SLC71A2: variants seen among roughly 807,000 people sequenced by gnomAD.
SLC71A2 encodes the protein hippocampus abundant transcript-like 1.
chr9:94,445,201 A>T, the SLC71A2 span: 7 of 1,554,700 alleles, frequency 4.5e-6, no homozygotes, highest in Non-Finnish European at 6.1e-6. Flanking sequence ...AAATATGGAA[A>T]TATTTACTTT....
the SLC71A2 span, among the ~76,000 whole-genome samples, chr9:94,445,784 T>C: frequency 7.9e-5 from 12 of 152,276 alleles, no homozygotes; most frequent in Admixed American, 7.2e-4. Flanking sequence ...AAAAAGTTTG[T>C]AGACAAAAAA....
the SLC71A2 span, among the ~76,000 whole-genome samples, chr9:94,399,599 G>C: frequency 6.6e-6 from 1 of 152,146 alleles, no homozygotes; most frequent in Non-Finnish European, 1.5e-5. Context: ...GAGAAACCTG[G>C]CTTCCACCAT....
chr9:94,445,045 G>A, the SLC71A2 span: 9 of 1,614,038 alleles, frequency 5.6e-6, no homozygotes, highest in Non-Finnish European at 6.8e-6. Flanking sequence ...AGACAGCCTC[G>A]TTGTGCTGGT....
chr9:94,417,841 A>C, the SLC71A2 span, among the ~76,000 whole-genome samples: 1 of 131,822 alleles, frequency 7.6e-6, no homozygotes, highest in African/African-American at 2.8e-5. Flanking sequence ...CTCTCCTTAT[A>C]GGCAAGTTCC....
the SLC71A2 span, among the ~76,000 whole-genome samples, chr9:94,379,820 T>C: frequency 6.6e-6 from 1 of 152,264 alleles, no homozygotes; most frequent in Admixed American, 6.5e-5. Context: ...TTAAATGAAC[T>C]AGAATATCCA....
chr9:94,414,080 AAC>A, the SLC71A2 span, among the ~76,000 whole-genome samples: 1 of 152,180 alleles, frequency 6.6e-6, no homozygotes, highest in Non-Finnish European at 1.5e-5. Context: ...GACATGGAGA[AAC>A]AGATTGAACC....
At chr9:94,399,796 G>A in the SLC71A2 span, among the ~76,000 whole-genome samples, 23 of 138,394 alleles carry the variant, frequency 1.7e-4, no homozygotes, top group African/African-American at 2.3e-4. Flanking sequence ...GAGTATTGCC[G>A]GGGAAAAAGC....
the SLC71A2 span, among the ~76,000 whole-genome samples, chr9:94,428,059 G>C: frequency 3.3e-5 from 5 of 151,862 alleles, no homozygotes; most frequent in African/African-American, 1.2e-4. Flanking sequence ...AGAGGCGGGG[G>C]TTGCAGTGAG....
the SLC71A2 span, among the ~76,000 whole-genome samples, chr9:94,456,966 C>A: frequency 6.8e-6 from 1 of 147,910 alleles, no homozygotes; most frequent in Non-Finnish European, 1.5e-5. Flanking sequence ...CCTTCCTCCC[C>A]CCACCCCCCA....
chr9:94,442,502 A>G, the SLC71A2 span, among the ~76,000 whole-genome samples: 18 of 152,156 alleles, frequency 1.2e-4, no homozygotes, highest in Admixed American at 3.9e-4. Flanking sequence ...CAAAGATAGA[A>G]GCTGATAGGA....
the SLC71A2 span, among the ~76,000 whole-genome samples, chr9:94,389,249 C>G: frequency 6.8e-6 from 1 of 147,858 alleles, no homozygotes; most frequent in Non-Finnish European, 1.5e-5. Context: ...CAATTTATGC[C>G]TTTTGTCTGC....
chr9:94,421,724 T>G, the SLC71A2 span, among the ~76,000 whole-genome samples: 2 of 152,114 alleles, frequency 1.3e-5, no homozygotes, highest in African/African-American at 2.4e-5. Context: ...TTGAACTTGA[T>G]TGTTCCAGTT....
At chr9:94,438,908 C>T in the SLC71A2 span, among the ~76,000 whole-genome samples, 952 of 152,084 alleles carry the variant, frequency 6.3e-3, 8 homozygotes, top group African/African-American at 0.021. Context: ...GTCAGCTCAT[C>T]GCTGTGGGGC....
chr9:94,384,616 A>G, the SLC71A2 span, among the ~76,000 whole-genome samples: 1 of 152,242 alleles, frequency 6.6e-6, no homozygotes, highest in East Asian at 1.9e-4. Context: ...CGGGGATTAC[A>G]GGCATGAGCC....
At chr9:94,444,816 G>T in the SLC71A2 span, 6 of 644,478 alleles carry the variant, frequency 9.3e-6, no homozygotes. Flanking sequence ...AGCCAGGGAA[G>T]CATGGCTGCA....
At chr9:94,389,525 C>T in the SLC71A2 span, among the ~76,000 whole-genome samples, 21 of 151,192 alleles carry the variant, frequency 1.4e-4, no homozygotes, top group African/African-American at 4.6e-4. Context: ...GTGTTCTGCC[C>T]GCCTTGGCCT....
the SLC71A2 span, among the ~76,000 whole-genome samples, chr9:94,385,386 C>A: frequency 6.6e-6 from 1 of 152,100 alleles, no homozygotes; most frequent in Non-Finnish European, 1.5e-5. Flanking sequence ...GTCTTTGGTT[C>A]ATTTTAAAAG....
the SLC71A2 span, among the ~76,000 whole-genome samples, chr9:94,439,531 C>T: frequency 2.9e-5 from 4 of 138,692 alleles, no homozygotes; most frequent in Admixed American, 8.0e-5. Context: ...GGTTTTTAAT[C>T]CTATTAATAG....
chr9:94,420,964 G>T, the SLC71A2 span, among the ~76,000 whole-genome samples: 885 of 152,144 alleles, frequency 5.8e-3, 8 homozygotes, highest in Non-Finnish European at 9.6e-3. Context: ...CCATTAGAGG[G>T]TTCCTATATT....
Sources: gnomAD v4.1 joint callset for allele counts (sites outside exome capture counted in the v4.1 genomes callset) on GRCh38, gnomAD v4.1.1 for gene constraint, MANE v1.5 for transcripts, NCBI Gene and HGNC (gene_info 2026-07-23, HGNC 2026-07-21) for gene names.